Variants in RPS6KC1 observed in about 807,000 individuals in gnomAD.
The protein encoded by RPS6KC1 is inactive ribosomal protein S6 kinase delta-1.
A neutral mutation model predicts 103.8 loss-of-function variants in RPS6KC1; 54 were observed. The observed-to-expected ratio is 0.52, with a 90% CI of 0.42 to 0.65. The LOEUF is 0.65. RPS6KC1 is among the 30% of genes least tolerant of loss of function. The pLI is 0.00. For missense variants in RPS6KC1, 1,151 were observed against 1,253.8 expected (o/e 0.92, Z 1.24); for synonymous variants, 439 against 438.7 (o/e 1.00, Z -0.01).
chr1:213,796,980 G>A, the RPS6KC1 span, among the ~76,000 whole-genome samples: 4 of 152,124 alleles, frequency 2.6e-5, no homozygotes, highest in Admixed American at 6.6e-5. Context: ...ATCAATAAAC[G>A]CATGTCCAAA....
the RPS6KC1 span, among the ~76,000 whole-genome samples, chr1:213,439,758 A>G: frequency 6.6e-6 from 1 of 151,888 alleles, no homozygotes; most frequent in Non-Finnish European, 1.5e-5. Flanking sequence ...CTGTGTAATT[A>G]TGGGGTGCAG....
At chr1:213,531,006 T>A in the RPS6KC1 span, among the ~76,000 whole-genome samples, 1 of 152,210 alleles carries the variant, frequency 6.6e-6, no homozygotes, top group Non-Finnish European at 1.5e-5. Context: ...TCCTTGCTAA[T>A]TGTTATTTTT....
chr1:213,215,944 T>G (rs1389562386), intron 8 of RPS6KC1, among the ~76,000 whole-genome samples: 2 of 152,170 alleles, frequency 1.3e-5, no homozygotes, highest in African/African-American at 4.8e-5. Flanking sequence ...GTGAAGACCA[T>G]TGAGGCTAGG....
chr1:213,477,880 T>G, the RPS6KC1 span, among the ~76,000 whole-genome samples: 2 of 152,202 alleles, frequency 1.3e-5, no homozygotes, highest in Non-Finnish European at 2.9e-5. Flanking sequence ...AACACATTAT[T>G]ACCAACCAAA....
chr1:213,470,391 T>A, the RPS6KC1 span, among the ~76,000 whole-genome samples: 1 of 152,192 alleles, frequency 6.6e-6, no homozygotes, highest in African/African-American at 2.4e-5. Flanking sequence ...TGTAAACTGG[T>A]AATTAGTTCT....
chr1:213,517,643 T>C, the RPS6KC1 span, among the ~76,000 whole-genome samples: 106 of 152,322 alleles, frequency 7.0e-4, no homozygotes, highest in Admixed American at 6.4e-3. Flanking sequence ...AGTGCTTTAC[T>C]TCCAACTATG....
the RPS6KC1 span, among the ~76,000 whole-genome samples, chr1:213,321,437 T>C: frequency 1.3e-5 from 2 of 152,208 alleles, no homozygotes; most frequent in Admixed American, 1.3e-4. Flanking sequence ...ACTTAATCAG[T>C]ACCCAGTGAT....
the RPS6KC1 span, among the ~76,000 whole-genome samples, chr1:213,358,803 T>A: frequency 2.4e-3 from 367 of 152,354 alleles, 2 homozygotes; most frequent in African/African-American, 8.6e-3. Context: ...CTGCCTTCAT[T>A]TCGTTATGTA....
At chr1:213,369,642 A>G in the RPS6KC1 span, among the ~76,000 whole-genome samples, 1 of 152,220 alleles carries the variant, frequency 6.6e-6, no homozygotes, top group East Asian at 1.9e-4. Flanking sequence ...TGATCTGGAC[A>G]TTTTTGGCCT....
the RPS6KC1 span, among the ~76,000 whole-genome samples, chr1:213,810,096 G>T: frequency 6.6e-6 from 1 of 152,114 alleles, no homozygotes; most frequent in African/African-American, 2.4e-5. Flanking sequence ...TATCATTGCC[G>T]TTGAGAAGCC....
the RPS6KC1 span, among the ~76,000 whole-genome samples, chr1:213,612,727 T>A: frequency 1.3e-5 from 2 of 152,212 alleles, no homozygotes; most frequent in Non-Finnish European, 1.5e-5. Flanking sequence ...GCATAGCTTT[T>A]ACCCTGAGAC....
At position 213,259,058 on chromosome 1, in the gene RPS6KC1, A is replaced by T. The variant is rs138618471; in HGVS notation, c.2912-2500A>T. Among the ~76,000 whole-genome samples the T allele has an allele frequency of 4.8e-3, 729 of 152,066 alleles. 7 individuals carry two copies. Among genetic ancestry groups the T allele is most frequent in the African/African-American group, 0.017 (697 of 41,442 alleles). On this transcript the variant is annotated intron_variant, in intron 12 of 14. Coordinates refer to ENST00000366960, the MANE Select transcript of RPS6KC1 (RefSeq NM_012424.6). ...AGTGAATTCCTTGACTCAACCCAGGACTCCTGATTCCTAGTTCATTGTTCT... is the reference window on the plus strand; with the variant it reads ...AGTGAATTCCTTGACTCAACCCAGGTCTCCTGATTCCTAGTTCATTGTTCT...
chr1:213,801,024 A>G, the RPS6KC1 span, among the ~76,000 whole-genome samples: 1 of 152,160 alleles, frequency 6.6e-6, no homozygotes, highest in Non-Finnish European at 1.5e-5. Context: ...CAGGTCTGGG[A>G]TCTCTGCAGC....
chr1:213,701,092 T>C, the RPS6KC1 span, among the ~76,000 whole-genome samples: 1 of 152,088 alleles, frequency 6.6e-6, no homozygotes, highest in Non-Finnish European at 1.5e-5. Context: ...CAGTGTTACA[T>C]TGAATAACAG....
the RPS6KC1 span, among the ~76,000 whole-genome samples, chr1:213,631,680 A>G: frequency 6.6e-6 from 1 of 152,124 alleles, no homozygotes; most frequent in Non-Finnish European, 1.5e-5. Flanking sequence ...CTTCTAGTGT[A>G]TTGATTTTCC....
rs1442572227 is a variant in RPS6KC1 at position 213,117,330 on chromosome 1, A to T, written c.392A>T (p.Asn131Ile). The T allele has an allele frequency of 6.2e-7, 1 of 1,601,620 alleles. No individual in the cohort carries two copies. Among genetic ancestry groups the T allele is most frequent in the South Asian group, 1.1e-5 (1 of 90,504 alleles). ...LEDFFKGGIINDSSELIGPAE... is the reference protein window; with the variant it reads ...LEDFFKGGIIIDSSELIGPAE... ...TTATCTCTTTAGGGTGGAATAATTA[A>T]TGATAGTTCTGAATTAATTGGTCCT... Residue 131 changes from asparagine to isoleucine, a missense_variant, in exon 5 of 15, where the codon AAT becomes ATT. Transcript: ENST00000366960.
At chr1:213,312,189 C>T in the RPS6KC1 span, among the ~76,000 whole-genome samples, 1 of 152,062 alleles carries the variant, frequency 6.6e-6, no homozygotes, top group South Asian at 2.1e-4. Context: ...AGCCACTGTC[C>T]AGCCATCAGG....
intron 7 of RPS6KC1, among the ~76,000 whole-genome samples, chr1:213,175,411 C>T (rs2091800540): frequency 6.6e-6 from 1 of 152,190 alleles, no homozygotes; most frequent in Non-Finnish European, 1.5e-5. Context: ...AATGTTTCCG[C>T]TGTATTCTAA....
the RPS6KC1 span, among the ~76,000 whole-genome samples, chr1:213,293,621 A>C: frequency 6.6e-6 from 1 of 152,162 alleles, no homozygotes; most frequent in African/African-American, 2.4e-5. Context: ...GCAGTGAGCT[A>C]TGACTGCACC....
Sources: gnomAD v4.1 joint callset for allele counts (sites outside exome capture counted in the v4.1 genomes callset) on GRCh38, gnomAD v4.1.1 for gene constraint, MANE v1.5 for transcripts, NCBI Gene and HGNC (gene_info 2026-07-23, HGNC 2026-07-21) for gene names.